Variants in ATP2C1 observed in about 807,000 individuals in gnomAD.
The protein encoded by ATP2C1 is ATPase secretory pathway Ca2+ transporting 1.
A neutral mutation model predicts 120.5 loss-of-function variants in ATP2C1; 31 were observed. That is an observed-to-expected ratio of 0.26 (90% CI 0.19 to 0.35). The LOEUF (loss-of-function observed/expected upper bound fraction) is 0.35, where lower values mean the gene tolerates loss of function less well. Ranked by LOEUF, ATP2C1 falls within the 10% of genes least tolerant of loss-of-function variation. ATP2C1 has a pLI of 1.00. For synonymous variants in ATP2C1, 351 were observed against 358.7 expected (o/e 0.98, Z 0.24); for missense variants, 731 against 1,107.5 (o/e 0.66, Z 4.83).
intron 2 of ATP2C1, among the ~76,000 whole-genome samples, chr3:130,919,562 T>C (rs1343334287): frequency 2.6e-5 from 4 of 152,190 alleles, no homozygotes; most frequent in Non-Finnish European, 5.9e-5. Context: ...ATTGTACATA[T>C]ATTCCACATT....
At chr3:130,868,796 A>T in intron 1 of ATP2C1, 1 of 72,148 alleles carries the variant, frequency 1.4e-5, no homozygotes. Flanking sequence ...CGTCCGGGAG[A>T]GTGGTGGGGG....
intron 11 of ATP2C1, among the ~76,000 whole-genome samples, chr3:130,958,594 C>CT (rs1213967915): frequency 6.6e-6 from 1 of 152,112 alleles, no homozygotes; most frequent in Non-Finnish European, 1.5e-5. Flanking sequence ...TATCAAACCT[C>CT]TCGTGAATCT....
intron 1 of ATP2C1, among the ~76,000 whole-genome samples, chr3:130,856,907 C>T (rs995759750): frequency 2.6e-5 from 4 of 152,338 alleles, no homozygotes; most frequent in Non-Finnish European, 5.9e-5. Flanking sequence ...GAGTTATTTA[C>T]ATCCTACTGC....
At chr3:130,970,223 C>T (rs560037116) in intron 17 of ATP2C1, among the ~76,000 whole-genome samples, 7 of 151,872 alleles carry the variant, frequency 4.6e-5, no homozygotes, top group Non-Finnish European at 7.4e-5. Context: ...GAGGCTGAGA[C>T]AGGGGAATTG....
intron 1 of ATP2C1, among the ~76,000 whole-genome samples, chr3:130,878,508 T>C (rs1013227707): frequency 3.3e-5 from 5 of 152,264 alleles, no homozygotes; most frequent in Admixed American, 3.3e-4. Flanking sequence ...GTGTGTTTTC[T>C]TGATGGTAAA....
At chr3:130,980,165 T>A (rs2061693100) in intron 19 of ATP2C1, among the ~76,000 whole-genome samples, 1 of 152,192 alleles carries the variant, frequency 6.6e-6, no homozygotes, top group African/African-American at 2.4e-5. Context: ...TGCACTCTGA[T>A]CTTCGTTACA....
At chr3:130,875,591 G>A (rs62280756) in intron 1 of ATP2C1, among the ~76,000 whole-genome samples, 15,294 of 152,190 alleles carry the variant, frequency 0.1, 880 homozygotes, top group Non-Finnish European at 0.13. Flanking sequence ...ATAAACATGG[G>A]GGTGTAGATA....
upstream of ATP2C1, among the ~76,000 whole-genome samples, chr3:130,890,356 C>T (rs925732496): frequency 2.0e-5 from 3 of 152,142 alleles, no homozygotes; most frequent in Non-Finnish European, 2.9e-5. Context: ...TGCATCCCAT[C>T]GACACTCATG....
At chr3:130,919,771 T>C (rs1472289251) in intron 2 of ATP2C1, among the ~76,000 whole-genome samples, 3 of 152,240 alleles carry the variant, frequency 2.0e-5, no homozygotes, top group Non-Finnish European at 4.4e-5. Flanking sequence ...AGCTTCATAC[T>C]TTTTTCCATA....
chr3:130,860,446 A>C (rs539508699), intron 1 of ATP2C1, among the ~76,000 whole-genome samples: 11 of 152,264 alleles, frequency 7.2e-5, no homozygotes, highest in Non-Finnish European at 1.3e-4. Flanking sequence ...TAGGTTATGC[A>C]TTCAAGAATA....
intron 7 of ATP2C1, 98 bp downstream of exon 7, chr3:130,940,789 A>G (rs968167705): frequency 6.5e-6 from 6 of 924,738 alleles, no homozygotes; most frequent in Non-Finnish European, 8.7e-6. Context: ...TTGTCTGAAC[A>G]TAAGGAAGAT....
intron 1 of ATP2C1, among the ~76,000 whole-genome samples, chr3:130,887,453 G>T (rs1455965066): frequency 1.3e-5 from 2 of 152,206 alleles, no homozygotes; most frequent in African/African-American, 4.8e-5. Context: ...TCCAGAGATG[G>T]TGTATGGGAG....
At chr3:130,882,480 C>A (rs572192415) in intron 1 of ATP2C1, among the ~76,000 whole-genome samples, 2 of 152,080 alleles carry the variant, frequency 1.3e-5, no homozygotes, top group Non-Finnish European at 1.5e-5. Context: ...GGATTACAGA[C>A]GTGAGCCACC....
At chr3:130,899,585 ATGT>A (rs1399973087) in intron 2 of ATP2C1, 1 of 152,200 alleles carries the variant, frequency 6.6e-6, no homozygotes, top group Non-Finnish European at 1.5e-5. Context: ...GTTGAAACTC[ATGT>A]TGTTAAAGAG....
chr3:131,014,409 T>G, intron 26 of ATP2C1: 1 of 1,540,378 alleles, frequency 6.5e-7, no homozygotes, highest in South Asian at 1.3e-5. Flanking sequence ...AAGAAAAAAG[T>G]ATGTTGTTAA....
At chr3:131,014,788 A>AC (rs1264260268) in intron 26 of ATP2C1, among the ~76,000 whole-genome samples, 3 of 152,218 alleles carry the variant, frequency 2.0e-5, no homozygotes, top group African/African-American at 7.2e-5. Context: ...CACTGAGACT[A>AC]AAAACCTACT....
intron 26 of ATP2C1, among the ~76,000 whole-genome samples, chr3:131,014,762 C>T (rs977021578): frequency 6.6e-6 from 1 of 152,158 alleles, no homozygotes; most frequent in African/African-American, 2.4e-5. Context: ...TTATTGGCAT[C>T]ATTTGCAAGG....
chr3:130,904,795 T>C (rs1045666367), intron 2 of ATP2C1, among the ~76,000 whole-genome samples: 1 of 152,062 alleles, frequency 6.6e-6, no homozygotes, highest in African/African-American at 2.4e-5. Context: ...GAGTTTTCTA[T>C]TTCACTCATT....
chr3:130,952,052 C>T (rs2060392242), intron 8 of ATP2C1, among the ~76,000 whole-genome samples: 1 of 152,140 alleles, frequency 6.6e-6, no homozygotes, highest in East Asian at 1.9e-4. Flanking sequence ...TCCACTCTCC[C>T]TAATTATGGC....
Sources: gnomAD v4.1 joint callset for allele counts (sites outside exome capture counted in the v4.1 genomes callset) on GRCh38, gnomAD v4.1.1 for gene constraint, MANE v1.5 for transcripts, NCBI Gene and HGNC (gene_info 2026-07-23, HGNC 2026-07-21) for gene names.